The following DNAH8 variants were observed in gnomAD, a reference collection of about 807,000 sequenced individuals.
The protein encoded by DNAH8 is axonemal beta dynein heavy chain 8.
In DNAH8, 382 loss-of-function variants were observed where a neutral mutation model predicts 562.1. That is an observed-to-expected ratio of 0.68 (90% CI 0.63 to 0.74). The LOEUF (loss-of-function observed/expected upper bound fraction) is 0.74, where lower values mean the gene tolerates loss of function less well. Among genes scored for constraint, DNAH8 ranks in the 30% least tolerant of loss-of-function variants. DNAH8 has a pLI of 0.00. For synonymous variants in DNAH8, 1,881 were observed against 1,919.4 expected (o/e 0.98, Z 0.52); for missense variants, 5,203 against 5,620.4 (o/e 0.93, Z 2.37).
At position 38,971,657 on chromosome 6, in the gene DNAH8, A is replaced by G. The variant is rs759309029; in HGVS notation, c.12517A>G (p.Met4173Val). 7.5e-6 allele frequency: 12 copies of G among 1,600,306 alleles called. No homozygotes were observed. Among genetic ancestry groups the G allele is most frequent in the East Asian group, 2.3e-5 (1 of 44,402 alleles). ...TGCTCGAAAGCTGATTCAGATGTCA[A>G]TGCAGCAGGTATGTGACAAGAGACT... ...VHARKLIQMSMQQGGWVLLQN... is the reference protein window; with the variant it reads ...VHARKLIQMSVQQGGWVLLQN... Residue 4173 changes from methionine (M) to valine (V), a missense_variant, in exon 83 of 93, where the codon ATG (methionine) becomes GTG (valine). Physicochemically the swap from Met to Val is conservative, Grantham distance 21. This residue lies in a region of DNAH8 where 1,399 missense variants were observed against 1,518.4 expected (regional missense o/e 0.92). Transcript: ENST00000327475.
rs193238090 is a variant in DNAH8, at chr6:38,751,335, T to C, written c.1407+746T>C. Among the ~76,000 whole-genome samples the C allele has an allele frequency of 8.5e-5, 13 of 152,330 alleles. No homozygotes were observed. The East Asian group carries it at 2.1e-3, about 25-fold the overall frequency. On this transcript the variant is annotated intron_variant, in intron 9 of 92. Coordinates refer to ENST00000327475, the MANE Select transcript of DNAH8 (RefSeq NM_001206927.2). ...TGGAATCTACCTTCTTTTAATAACCTAATCTCTGAAGTGACAGCCCATCAT... is the reference window on the plus strand; with the variant it reads ...TGGAATCTACCTTCTTTTAATAACCCAATCTCTGAAGTGACAGCCCATCAT...
At chr6:38,802,983 G>A (rs1770912421) in intron 21 of DNAH8, among the ~76,000 whole-genome samples, 196 bp from the exon 22 acceptor site, 1 of 152,104 alleles carries the variant, frequency 6.6e-6, no homozygotes. Context: ...TCTTTCTGCT[G>A]TTCTTTGGGC....
chr6:38,964,802 C>T (rs1006533918), intron 82 of DNAH8, among the ~76,000 whole-genome samples: 3 of 152,256 alleles, frequency 2.0e-5, no homozygotes, highest in Non-Finnish European at 4.4e-5. Flanking sequence ...TGGCTCACAC[C>T]TGTAATCCCA....
chr6:38,960,817 A>C (rs1028746157), intron 82 of DNAH8, among the ~76,000 whole-genome samples: 1 of 152,030 alleles, frequency 6.6e-6, no homozygotes, highest in East Asian at 1.9e-4. Flanking sequence ...GATTTTTTTC[A>C]TTTTAAATAT....
intron 60 of DNAH8, 65 bp downstream of exon 60, chr6:38,896,290 C>G: frequency 7.7e-7 from 1 of 1,295,616 alleles, no homozygotes; most frequent in Non-Finnish European, 1.1e-6. Context: ...TTTCTCTCTG[C>G]ACCAGAGTCC....
At chr6:38,843,236 A>G (rs1167756138) in intron 35 of DNAH8, among the ~76,000 whole-genome samples, 1 of 151,712 alleles carries the variant, frequency 6.6e-6, no homozygotes, top group Non-Finnish European at 1.5e-5. Flanking sequence ...ACTATTTTCC[A>G]AATTTCTAAT....
intron 11 of DNAH8, among the ~76,000 whole-genome samples, chr6:38,765,869 T>A (rs185557661): frequency 2.6e-5 from 4 of 152,322 alleles, no homozygotes; most frequent in African/African-American, 7.2e-5. Context: ...TTGGTAGGAA[T>A]GTAAATTAGT....
In DNAH8 at chr6:39,012,404, T is replaced by C. The variant is rs752751750; in HGVS notation, c.13524+37T>C. The stretch of plus-strand genomic sequence containing the variant: ...TTACATCAGTAGGCATTTCCTTCTT[T>C]GTTGATGTTTCTTATTCATGTGTTT... On this transcript the variant is annotated intron_variant, in intron 90 of 92. Coordinates refer to ENST00000327475, the MANE Select transcript of DNAH8 (RefSeq NM_001206927.2). 1.9e-6 allele frequency: 3 copies of C among 1,608,142 alleles called. No individual in the cohort carries two copies. The Admixed American group carries it at 5.0e-5, about 27-fold the overall frequency.
rs766385711 is a variant in DNAH8 at position 38,826,321 on chromosome 6, T to G, written c.4013T>G (p.Phe1338Cys). The G allele has an allele frequency of 6.2e-7, 1 of 1,613,718 alleles. No individual in the cohort carries two copies. The highest frequency in any genetic ancestry group is 1.7e-5 in the Admixed American group (1 of 59,990). The change falls in exon 29 of 93, where the codon TTT (phenylalanine) becomes TGT (cysteine). Residue 1338 changes from phenylalanine to cysteine, a missense_variant. Physicochemically the swap from Phe to Cys is radical, Grantham distance 205. This residue lies in a region of DNAH8 where 2,176 missense variants were observed against 2,365.1 expected (regional missense o/e 0.92). Transcript: ENST00000327475. ...ATTCGTGATTTAGATGATGTCAGAT[T>G]TGCAATGGAAGCCTTGTCTTGCATA... ...RPIRDLDDVR[F>C]AMEALSCIRD...
chr6:38,722,916 C>G lies in DNAH8; in HGVS notation c.107C>G (p.Pro36Arg), dbSNP rs574826551. ...PRSEEEEAPR[P>R]PTVEAPAEDG... The stretch of plus-strand genomic sequence containing the variant: ...TCAGAAGAGGAAGAGGCCCCGCGCC[C>G]TCCGACAGTGGAGGCCCCGGCAGAA... Residue 36 changes from proline to arginine, a missense_variant, in exon 2 of 93, where the codon CCT becomes CGT. Coordinates refer to ENST00000327475, the MANE Select transcript of DNAH8 (RefSeq NM_001206927.2). The G allele has an allele frequency of 6.2e-7, 1 of 1,612,460 alleles. No individual in the cohort carries two copies. Among genetic ancestry groups the G allele is most frequent in the Non-Finnish European group, 8.5e-7 (1 of 1,179,642 alleles).
At chr6:38,986,752 C>T (rs1445633549) in intron 87 of DNAH8, among the ~76,000 whole-genome samples, 1 of 152,204 alleles carries the variant, frequency 6.6e-6, no homozygotes, top group Non-Finnish European at 1.5e-5. Flanking sequence ...GAGTCAAGGT[C>T]ATCCCTAGTT....
rs750616002 is a variant in DNAH8, at chr6:38,741,885, A to G, written c.1291A>G (p.Lys431Glu). 1.2e-6 allele frequency: 2 copies of G among 1,606,144 alleles called. No individual in the cohort carries two copies. Among genetic ancestry groups the G allele is most frequent in the Admixed American group, 1.7e-5 (1 of 57,896 alleles). ...AAATGTTGCACACTCCAAACTGCTA[A>G]AGGTAAAAGGCTTTTTATTTAAAGT... is the stretch of plus-strand genomic sequence containing the variant. ...VLNVAHSKLL[K>E]NWRDLDARIT... Residue 431 changes from lysine to glutamate, a missense_variant and splice_region_variant, in exon 8 of 93, where the codon AAG becomes GAG. Lys to Glu is a moderately conservative substitution (Grantham distance 56). Transcript: ENST00000327475.
intron 29 of DNAH8, among the ~76,000 whole-genome samples, chr6:38,827,576 G>A (rs920211951): frequency 2.6e-5 from 4 of 151,694 alleles, no homozygotes; most frequent in African/African-American, 4.8e-5. Flanking sequence ...CCCATTGAGA[G>A]TTTATACTCT....
intron 36 of DNAH8, among the ~76,000 whole-genome samples, 181 bp from the exon 37 acceptor site, chr6:38,848,467 A>G (rs1775472795): frequency 6.6e-6 from 1 of 152,196 alleles, no homozygotes; most frequent in Non-Finnish European, 1.5e-5. Context: ...CTGCAGTTAT[A>G]TGAGTTTTAT....
chr6:39,021,703 C>T (rs1766928402), intron 91 of DNAH8, among the ~76,000 whole-genome samples: 2 of 152,204 alleles, frequency 1.3e-5, no homozygotes, highest in South Asian at 2.1e-4. Flanking sequence ...TCCTCATCTT[C>T]AAAGATGCTG....
At chr6:38,979,161 G>C (rs982156651) in intron 85 of DNAH8, among the ~76,000 whole-genome samples, 1 of 152,172 alleles carries the variant, frequency 6.6e-6, no homozygotes, top group African/African-American at 2.4e-5. Flanking sequence ...TCTCCTCCTT[G>C]TAAAGACCAG....
At chr6:38,771,369 AT>A (rs1767557650) in intron 12 of DNAH8, among the ~76,000 whole-genome samples, 1 of 151,864 alleles carries the variant, frequency 6.6e-6, no homozygotes, top group African/African-American at 2.4e-5. Flanking sequence ...TGTTTTTTAA[AT>A]TTGTTTCTTT....
Position 38,723,153 on chromosome 6 carries a change from G to A in DNAH8, c.344G>A (p.Ser115Asn). 2 of 1,612,562 alleles carry A rather than the reference G, an allele frequency of 1.2e-6. No homozygotes were observed. The highest frequency in any genetic ancestry group is 1.7e-6 in the Non-Finnish European group (2 of 1,179,880). The stretch of plus-strand genomic sequence containing the variant: ...CGGAGGTCCTCCAGATACCGCCGGA[G>A]TATGAGTGGCCTTCCCAATCTACAG... ...SSRRSSRYRR[S>N]MSGLPNLQET... Residue 115 changes from serine (S) to asparagine (N), a missense_variant, in exon 2 of 93, where the codon AGT becomes AAT. Physicochemically the swap from Ser to Asn is conservative, Grantham distance 46. Around this residue, in one of 6 missense-constraint regions of DNAH8, gnomAD observed 556 missense variants for 496.9 expected, o/e 1.12. Transcript: ENST00000327475.
chr6:38,732,169 T>G (rs1763707188), intron 4 of DNAH8, among the ~76,000 whole-genome samples: 1 of 152,262 alleles, frequency 6.6e-6, no homozygotes, highest in African/African-American at 2.4e-5. Flanking sequence ...ATTTACCTCA[T>G]TCAAAAAATT....
Sources: gnomAD v4.1 joint callset for allele counts (sites outside exome capture counted in the v4.1 genomes callset) on GRCh38, gnomAD v4.1.1 for gene constraint, gnomAD v4.1.1 regional missense constraint, MANE v1.5 for transcripts, NCBI Gene and HGNC (gene_info 2026-07-23, HGNC 2026-07-21) for gene names.